GALNT17: variants seen among roughly 807,000 people sequenced by gnomAD.
The protein encoded by GALNT17 is polypeptide N-acetylgalactosaminyltransferase 17, also known as UDP-GalNAc:polypeptide N-acetylgalactosaminyltransferase-like 3.
Under a neutral mutation model 63.7 loss-of-function variants are expected in GALNT17, and 29 were observed. The observed-to-expected ratio is 0.46, with a 90% confidence interval of 0.34 to 0.62. The LOEUF is 0.62. GALNT17 is among the 20% of genes least tolerant of loss of function. GALNT17 has a pLI of 0.01. For missense variants in GALNT17, 603 were observed against 799.6 expected, an observed-to-expected ratio of 0.75 and a Z score of 2.97; for synonymous variants, 305 against 318.3, an observed-to-expected ratio of 0.96 and a Z score of 0.45.
At chr7:71,477,170 T>A (rs1274251413) in intron 5 of GALNT17, among the ~76,000 whole-genome samples, 1 of 152,210 alleles carries the variant, frequency 6.6e-6, no homozygotes, top group East Asian at 1.9e-4. Flanking sequence ...ACCATCATCA[T>A]TCCCTTTTAT....
intron 1 of GALNT17, among the ~76,000 whole-genome samples, chr7:71,269,922 G>T (rs1790555780): frequency 6.6e-6 from 1 of 152,170 alleles, no homozygotes; most frequent in Non-Finnish European, 1.5e-5. Flanking sequence ...GACTCAGGAA[G>T]AGAGATTAAT....
intron 6 of GALNT17, among the ~76,000 whole-genome samples, chr7:71,601,626 G>T (rs1789968353): frequency 6.6e-6 from 1 of 151,904 alleles, no homozygotes. Context: ...TAAAAAATAT[G>T]TATATATAAT....
intron 9 of GALNT17, among the ~76,000 whole-genome samples, chr7:71,689,139 C>T (rs1791405349): frequency 6.6e-6 from 1 of 152,006 alleles, no homozygotes; most frequent in South Asian, 2.1e-4. Context: ...GTGTGTTTGA[C>T]GGCTCCACTG....
intron 5 of GALNT17, among the ~76,000 whole-genome samples, chr7:71,482,958 C>T (rs1383960575): frequency 3.9e-5 from 6 of 152,054 alleles, no homozygotes; most frequent in South Asian, 2.1e-4. Context: ...GTGGGTAAGG[C>T]GAGTGATGGG....
chr7:71,639,927 A>G (rs561407205), intron 6 of GALNT17, among the ~76,000 whole-genome samples: 142 of 152,266 alleles, frequency 9.3e-4, no homozygotes, highest in Non-Finnish European at 1.6e-3. Flanking sequence ...CTCCAGCACC[A>G]TTTGCTCTGA....
chr7:71,606,382 C>T (rs998788547), intron 6 of GALNT17, among the ~76,000 whole-genome samples: 2 of 152,224 alleles, frequency 1.3e-5, no homozygotes, highest in Admixed American at 1.3e-4. Flanking sequence ...AACAGCGCTT[C>T]ACACAAGGAG....
chr7:71,583,607 T>C (rs11975246), intron 6 of GALNT17, among the ~76,000 whole-genome samples: 146,390 of 152,274 alleles, frequency 0.96, 70,597 homozygotes, highest in East Asian at 1. Flanking sequence ...ACAGATTCCC[T>C]GGCATTAGAT....
intron 3 of GALNT17, among the ~76,000 whole-genome samples, chr7:71,393,555 T>C (rs563015168): frequency 1.3e-3 from 186 of 146,564 alleles, no homozygotes; most frequent in Admixed American, 2.5e-3. Flanking sequence ...AGTGCCCCCC[T>C]TTTTTTTTTA....
chr7:71,589,017 G>A (rs1789760728), intron 6 of GALNT17, among the ~76,000 whole-genome samples: 1 of 152,142 alleles, frequency 6.6e-6, no homozygotes. Flanking sequence ...CTAAACGTGG[G>A]AAGTGAGTGT....
chr7:71,617,307 G>C (rs1163049261), intron 6 of GALNT17, among the ~76,000 whole-genome samples: 2 of 141,952 alleles, frequency 1.4e-5, no homozygotes, highest in Non-Finnish European at 3.2e-5. Context: ...TTTTTTGCAG[G>C]GGCGGGGGGG....
intron 6 of GALNT17, among the ~76,000 whole-genome samples, chr7:71,658,140 C>T (rs936428038): frequency 1.1e-4 from 17 of 152,290 alleles, no homozygotes; most frequent in Non-Finnish European, 2.2e-4. Context: ...CTCCTGGCCT[C>T]AAGGAATCCT....
At chr7:71,165,354 G>C (rs1428712134) in intron 1 of GALNT17, among the ~76,000 whole-genome samples, 1 of 152,194 alleles carries the variant, frequency 6.6e-6, no homozygotes, top group Non-Finnish European at 1.5e-5. Context: ...TCATACCTGG[G>C]ACTGGGTAAT....
chr7:71,348,175 C>T (rs371736303), intron 2 of GALNT17, among the ~76,000 whole-genome samples: 1 of 151,782 alleles, frequency 6.6e-6, no homozygotes. Flanking sequence ...GCAGGAGAAT[C>T]GCTTGAACCT....
chr7:71,451,370 T>A (rs900918219), intron 5 of GALNT17, among the ~76,000 whole-genome samples: 1 of 152,244 alleles, frequency 6.6e-6, no homozygotes, highest in Non-Finnish European at 1.5e-5. Flanking sequence ...CAGAAAGTTT[T>A]CTTGACCATT....
intron 1 of GALNT17, among the ~76,000 whole-genome samples, chr7:71,209,601 T>C (rs990692065): frequency 1.3e-5 from 2 of 152,174 alleles, no homozygotes; most frequent in African/African-American, 4.8e-5. Context: ...GCTCAAGCGA[T>C]TCTCCCACCT....
intron 6 of GALNT17, among the ~76,000 whole-genome samples, chr7:71,640,817 G>A (rs1790592555): frequency 1.3e-5 from 2 of 151,146 alleles, no homozygotes; most frequent in African/African-American, 4.9e-5. Flanking sequence ...TTTAAGACCA[G>A]CCTGGGCAAC....
At chr7:71,289,645 C>T (rs891852297) in intron 1 of GALNT17, among the ~76,000 whole-genome samples, 6 of 151,996 alleles carry the variant, frequency 3.9e-5, no homozygotes, top group East Asian at 1.9e-4. Context: ...TTTGGGAGGC[C>T]GAGGCAGGCG....
chr7:71,273,553 G>A (rs1400343197), intron 1 of GALNT17, among the ~76,000 whole-genome samples: 3 of 152,172 alleles, frequency 2.0e-5, no homozygotes, highest in Non-Finnish European at 4.4e-5. Context: ...GTCAGCAAAT[G>A]GTTGAATCAA....
intron 5 of GALNT17, among the ~76,000 whole-genome samples, chr7:71,514,041 A>G (rs1336295553): frequency 6.6e-6 from 1 of 152,178 alleles, no homozygotes; most frequent in African/African-American, 2.4e-5. Flanking sequence ...GCAAAATTTA[A>G]AAATTTAGCC....
Sources: gnomAD v4.1 joint callset for allele counts (sites outside exome capture counted in the v4.1 genomes callset) on GRCh38, gnomAD v4.1.1 for gene constraint, MANE v1.5 for transcripts, NCBI Gene and HGNC (gene_info 2026-07-23, HGNC 2026-07-21) for gene names.